TBC1D5: variants seen among roughly 807,000 people sequenced by gnomAD.
The protein encoded by TBC1D5 is TBC1 domain family, member 5.
Under a neutral mutation model 100.3 loss-of-function variants are expected in TBC1D5, and 75 were observed. The ratio of observed to expected loss-of-function variants is 0.75; its 90% CI spans 0.62 to 0.91. The LOEUF is 0.91. TBC1D5 is among the 40% of genes least tolerant of loss of function. The probability of loss-of-function intolerance (pLI) is 0.00; values close to 1 mark genes in which losing one functional copy is unlikely to be tolerated. For synonymous variants in TBC1D5, 323 were observed against 325.6 expected (o/e 0.99, Z 0.09); for missense variants, 910 against 942.4 (o/e 0.97, Z 0.45).
chr3:17,226,329 CAGAG>C (rs1044454940), intron 17 of TBC1D5, among the ~76,000 whole-genome samples: 1 of 140,090 alleles, frequency 7.1e-6, no homozygotes, highest in African/African-American at 2.7e-5. Flanking sequence ...TTTTTTTTGA[CAGAG>C]AGGAACAGCA....
At chr3:17,566,364 A>C (rs1356340900) in intron 2 of TBC1D5, among the ~76,000 whole-genome samples, 1 of 151,966 alleles carries the variant, frequency 6.6e-6, no homozygotes, top group Non-Finnish European at 1.5e-5. Flanking sequence ...AAACAAGACA[A>C]GACAAAACAC....
At chr3:17,429,857 A>T (rs2094415469) in intron 3 of TBC1D5, among the ~76,000 whole-genome samples, 1 of 151,862 alleles carries the variant, frequency 6.6e-6, no homozygotes, top group Non-Finnish European at 1.5e-5. Context: ...GGAGAAGTGG[A>T]CTGAGCCTGC....
At chr3:17,417,798 A>C (rs1025647541) in intron 4 of TBC1D5, among the ~76,000 whole-genome samples, 4 of 152,192 alleles carry the variant, frequency 2.6e-5, no homozygotes, top group African/African-American at 4.8e-5. Context: ...ACTAGTTTAC[A>C]GTCCCACCAA....
intron 3 of TBC1D5, among the ~76,000 whole-genome samples, chr3:17,492,105 G>A (rs889853108): frequency 3.3e-5 from 5 of 152,176 alleles, no homozygotes; most frequent in Admixed American, 1.3e-4. Context: ...AGTATTCTCT[G>A]ATGGTTGTCT....
chr3:17,440,041 G>C (rs1226933966), intron 3 of TBC1D5, among the ~76,000 whole-genome samples: 1 of 152,172 alleles, frequency 6.6e-6, no homozygotes, highest in Non-Finnish European at 1.5e-5. Context: ...AACACTTACA[G>C]TATTCAAGTG....
chr3:17,363,224 C>A (rs1165472738), intron 13 of TBC1D5, among the ~76,000 whole-genome samples: 4 of 152,000 alleles, frequency 2.6e-5, no homozygotes, highest in Non-Finnish European at 5.9e-5. Context: ...TCATAAAAAA[C>A]ACTGTGATAA....
intron 1 of TBC1D5, among the ~76,000 whole-genome samples, chr3:17,720,846 T>C (rs1211157547): frequency 6.6e-6 from 1 of 151,982 alleles, no homozygotes; most frequent in Non-Finnish European, 1.5e-5. Flanking sequence ...TCTTTTTGTT[T>C]GTTTGTTTTT....
At chr3:17,160,670 T>TAA (rs1339908621) in exon 22 of TBC1D5, 2 of 353,512 alleles carry the variant, frequency 5.7e-6, no homozygotes, top group Non-Finnish European at 1.0e-5. Flanking sequence ...CGGTCTTTTC[T>TAA]AACTGTGAGT....
At chr3:17,456,395 A>G (rs371788531) in intron 3 of TBC1D5, among the ~76,000 whole-genome samples, 1 of 152,194 alleles carries the variant, frequency 6.6e-6, no homozygotes, top group East Asian at 1.9e-4. Context: ...TCTGCAAACT[A>G]CCCATGTAAC....
At chr3:17,354,074 A>G (rs1476117882) in intron 13 of TBC1D5, among the ~76,000 whole-genome samples, 4 of 152,132 alleles carry the variant, frequency 2.6e-5, no homozygotes, top group African/African-American at 9.6e-5. Flanking sequence ...TGTAGTGGTT[A>G]AGACAGACTA....
At chr3:17,630,976 A>G (rs2063452574) in intron 1 of TBC1D5, among the ~76,000 whole-genome samples, 1 of 148,438 alleles carries the variant, frequency 6.7e-6, no homozygotes. Flanking sequence ...CCCGGGAGGC[A>G]GACGTTGCAG....
chr3:17,587,424 T>C (rs2096739486), intron 2 of TBC1D5, among the ~76,000 whole-genome samples: 1 of 151,956 alleles, frequency 6.6e-6, no homozygotes, highest in Non-Finnish European at 1.5e-5. Context: ...AACATGAAAC[T>C]GAAAAACATG....
At chr3:17,389,820 T>C (rs946591149) in intron 8 of TBC1D5, among the ~76,000 whole-genome samples, 1 of 152,146 alleles carries the variant, frequency 6.6e-6, no homozygotes, top group African/African-American at 2.4e-5. Flanking sequence ...AACATTAATG[T>C]ATCCCACTTT....
chr3:17,442,904 G>C (rs1335290689), intron 3 of TBC1D5, among the ~76,000 whole-genome samples: 4 of 151,820 alleles, frequency 2.6e-5, no homozygotes, highest in Non-Finnish European at 5.9e-5. Context: ...CGAGGGACAA[G>C]GGAAGTGGGA....
At chr3:17,616,638 T>C (rs1390008982) in intron 2 of TBC1D5, among the ~76,000 whole-genome samples, 2 of 152,372 alleles carry the variant, frequency 1.3e-5, no homozygotes, top group South Asian at 2.1e-4. Flanking sequence ...TTTACCATTA[T>C]GTAATGGCCT....
intron 4 of TBC1D5, among the ~76,000 whole-genome samples, chr3:17,410,046 C>T (rs2093880810): frequency 6.6e-6 from 1 of 152,022 alleles, no homozygotes. Context: ...TAGCTAGGGA[C>T]GAGAAGGCAA....
chr3:17,191,015 T>C (rs183609508), intron 18 of TBC1D5, among the ~76,000 whole-genome samples: 3 of 152,158 alleles, frequency 2.0e-5, no homozygotes, highest in Admixed American at 6.5e-5. Context: ...ACATACACGG[T>C]GTGAATGAAA....
In TBC1D5 at chr3:17,226,310, C is replaced by CT. The variant is rs11311989; in HGVS notation, c.1588+11852dup. Among the ~76,000 whole-genome samples, 1,161 of 137,794 alleles carry CT rather than the reference C, an allele frequency of 8.4e-3. 14 individuals are homozygous for CT. Among genetic ancestry groups the CT allele is most frequent in the African/African-American group, 0.023 (867 of 37,046 alleles). 90.4% of individuals were successfully genotyped at this position (137,794 alleles called of 152,430 possible). On this transcript the variant is annotated intron_variant, in intron 17 of 21. Coordinates refer to ENST00000253692, the Ensembl canonical transcript of TBC1D5. ...ACTGGTTCCAAAGTTCTCTACATAC[C>CT]TTTTTTTTTTTTTTTTGACAGAGAG...
Position 17,724,075 on chromosome 3 carries a change from C to CTTTTT in TBC1D5, c.-101+15263_-101+15267dup, listed in dbSNP as rs969049204. On this transcript the variant is annotated intron_variant, in intron 1 of 21. Transcript: ENST00000253692. ...CAGGTATAGAAATCCCGATTGGCAA[C>CTTTTT]TTTTTTTTTTTTTTTTTTTTGAGAC... is the stretch of plus-strand genomic sequence containing the variant. Among the ~76,000 whole-genome samples the CTTTTT allele has an allele frequency of 6.0e-4, 78 of 131,014 alleles. No homozygotes were observed. The East Asian group carries it at 0.017, about 28-fold the overall frequency. The allele number at this position is 131,014 out of a possible 152,430, so 86.0% of individuals were successfully genotyped here.
Sources: allele counts gnomAD v4.1 joint callset (sites outside exome capture counted in the v4.1 genomes callset), GRCh38; gene constraint gnomAD v4.1.1; transcripts MANE v1.5; gene names NCBI Gene and HGNC (gene_info 2026-07-23, HGNC 2026-07-21).